The following EYS variants were observed in gnomAD, a reference collection of about 807,000 sequenced individuals.
EYS encodes the protein EGF-like photoreceptor maintenance factor.
A neutral mutation model predicts 282.1 loss-of-function variants in EYS; 250 were observed. The observed-to-expected ratio is 0.89, with a 90% CI of 0.80 to 0.98. EYS has a LOEUF of 0.98. EYS is among the 50% of genes least tolerant of loss of function. EYS has a pLI of 0.00. For synonymous variants in EYS, 1,355 were observed against 1,282.9 expected (o/e 1.06, Z -1.20); for missense variants, 4,016 against 3,709.0 (o/e 1.08, Z -2.15).
In EYS at chr6:65,495,221, T is replaced by G. The variant is rs767934482; in HGVS notation, c.190A>C (p.Thr64Pro). ...TGATTGCCTGAAGTATCTATTTTAG[T>G]GTTTACACCCAAAAACCAGCAATCT... ...YRDCWFLGVN[T>P]KIDTSGNQAV... Residue 64 changes from threonine (T) to proline (P), a missense_variant, in exon 4 of 43, where the codon ACT (threonine) becomes CCT (proline). Thr to Pro is a conservative substitution (Grantham distance 38). Coordinates refer to ENST00000503581, the MANE Select transcript of EYS (RefSeq NM_001142800.2). 2 of 1,614,074 alleles carry G rather than the reference T, an allele frequency of 1.2e-6. No individual in the cohort carries two copies. Among genetic ancestry groups the G allele is most frequent in the Non-Finnish European group, 1.7e-6 (2 of 1,180,024 alleles).
intron 26 of EYS, among the ~76,000 whole-genome samples, chr6:64,559,894 G>A (rs1215171096): frequency 1.3e-5 from 2 of 151,768 alleles, no homozygotes; most frequent in African/African-American, 4.8e-5. Flanking sequence ...ATTTTTTTCT[G>A]CTCCCCTTCC....
intron 5 of EYS, among the ~76,000 whole-genome samples, chr6:65,482,454 A>G (rs73743907): frequency 0.017 from 2,554 of 152,260 alleles, 70 homozygotes; most frequent in African/African-American, 0.058. Flanking sequence ...ACAGAGATTA[A>G]TTTTCCAAAC....
chr6:64,306,817 CTG>C (rs1769462433), intron 30 of EYS, among the ~76,000 whole-genome samples, 151 bp downstream of exon 30: 1 of 152,004 alleles, frequency 6.6e-6, no homozygotes, highest in Admixed American at 6.6e-5. Flanking sequence ...ATTCAATAAA[CTG>C]TAAAAGAGTG....
chr6:65,269,661 C>T (rs1200635448), intron 12 of EYS, among the ~76,000 whole-genome samples: 2 of 152,098 alleles, frequency 1.3e-5, no homozygotes, highest in Non-Finnish European at 2.9e-5. Context: ...TCTCACAGTT[C>T]TAGACACTGG....
At chr6:65,374,422 G>A (rs571042054) in intron 8 of EYS, among the ~76,000 whole-genome samples, 1 of 151,914 alleles carries the variant, frequency 6.6e-6, no homozygotes. Context: ...AGATTCCCTC[G>A]TGTGTCTACA....
At chr6:63,894,044 C>G (rs1171387869) in intron 35 of EYS, among the ~76,000 whole-genome samples, 1 of 152,178 alleles carries the variant, frequency 6.6e-6, no homozygotes, top group African/African-American at 2.4e-5. Context: ...AGACCATCAC[C>G]CTTCCCATCT....
At chr6:64,176,192 G>T (rs546929015) in intron 31 of EYS, among the ~76,000 whole-genome samples, 1 of 152,136 alleles carries the variant, frequency 6.6e-6, no homozygotes, top group Admixed American at 6.5e-5. Context: ...GGGAAGACCA[G>T]GTAAGTCAGG....
intron 16 of EYS, among the ~76,000 whole-genome samples, chr6:64,903,156 G>T (rs1229507252): frequency 6.6e-6 from 1 of 151,944 alleles, no homozygotes; most frequent in African/African-American, 2.4e-5. Flanking sequence ...ATAATAAACA[G>T]TTAAACAATT....
chr6:64,599,183 T>C (rs369220947), intron 24 of EYS, among the ~76,000 whole-genome samples: 3 of 152,318 alleles, frequency 2.0e-5, no homozygotes, highest in East Asian at 1.9e-4. Flanking sequence ...AAGAAAGTTC[T>C]AATCTTATTG....
chr6:65,602,060 G>C (rs1765634173), intron 2 of EYS, among the ~76,000 whole-genome samples: 1 of 151,882 alleles, frequency 6.6e-6, no homozygotes, highest in Admixed American at 6.6e-5. Context: ...TTCGCAGTGT[G>C]GATGCATAAT....
At chr6:64,122,094 T>C (rs966398847) in intron 31 of EYS, among the ~76,000 whole-genome samples, 1 of 152,184 alleles carries the variant, frequency 6.6e-6, no homozygotes, top group Non-Finnish European at 1.5e-5. Flanking sequence ...TTAGCTGTTT[T>C]CCAAATGCTG....
intron 15 of EYS, among the ~76,000 whole-genome samples, chr6:64,930,187 C>T (rs1437388589): frequency 1.3e-5 from 2 of 151,938 alleles, no homozygotes; most frequent in Non-Finnish European, 2.9e-5. Context: ...TATACAGAGG[C>T]ATATATAATT....
chr6:63,908,012 G>GTATATATATA (rs57451331), intron 35 of EYS, among the ~76,000 whole-genome samples: 48 of 131,166 alleles, frequency 3.7e-4, no homozygotes, highest in African/African-American at 1.3e-3. Context: ...ACACACAAAC[G>GTATATATATA]TATATATATA....
chr6:65,250,918 G>C (rs1443248665), intron 12 of EYS, among the ~76,000 whole-genome samples: 1 of 150,808 alleles, frequency 6.6e-6, no homozygotes, highest in Non-Finnish European at 1.5e-5. Flanking sequence ...GTAAAATTTA[G>C]TGCAATTCAA....
chr6:64,458,987 T>C (rs1301580465), intron 26 of EYS, among the ~76,000 whole-genome samples: 1 of 152,178 alleles, frequency 6.6e-6, no homozygotes, highest in Non-Finnish European at 1.5e-5. Context: ...TCCAGTGTGG[T>C]TCCTTATACG....
intron 2 of EYS, among the ~76,000 whole-genome samples, chr6:65,616,849 A>G (rs1013889665): frequency 6.6e-6 from 1 of 152,082 alleles, no homozygotes; most frequent in African/African-American, 2.4e-5. Flanking sequence ...AAATACGTAT[A>G]TATCTTAGTT....
At chr6:65,209,583 T>C (rs1315342354) in intron 12 of EYS, among the ~76,000 whole-genome samples, 1 of 151,926 alleles carries the variant, frequency 6.6e-6, no homozygotes, top group East Asian at 1.9e-4. Context: ...GTATTATGTG[T>C]CAGGCACTGT....
intron 2 of EYS, among the ~76,000 whole-genome samples, chr6:65,573,898 C>T (rs946750445): frequency 6.6e-6 from 1 of 152,118 alleles, no homozygotes; most frequent in Non-Finnish European, 1.5e-5. Context: ...GCAGTGTAAG[C>T]CTCTATGACC....
In EYS at chr6:65,612,058, G is replaced by T. The variant is rs187879261; in HGVS notation, c.-333+27720C>A. Among the ~76,000 whole-genome samples the T allele has an allele frequency of 9.9e-4, 151 of 151,764 alleles. 2 individuals are homozygous for T. The highest frequency in any genetic ancestry group is 3.3e-3 in the African/African-American group (136 of 41,452). ...TTATCTTAACAATTTCACTAGCAAA[G>T]TCCAAAAGAACACTCATAATGGTAT... On this transcript the variant is annotated intron_variant, in intron 2 of 42. Coordinates refer to ENST00000503581, the MANE Select transcript of EYS (RefSeq NM_001142800.2).
Sources: allele counts gnomAD v4.1 joint callset (sites outside exome capture counted in the v4.1 genomes callset), GRCh38; gene constraint gnomAD v4.1.1; transcripts MANE v1.5; gene names NCBI Gene and HGNC (gene_info 2026-07-23, HGNC 2026-07-21).